PRH1: variants seen among roughly 807,000 people sequenced by gnomAD.
PRH1 encodes salivary acidic proline-rich phosphoprotein 1/2.
In PRH1, 7 loss-of-function variants were observed where a neutral mutation model predicts 7.9. The ratio of observed to expected loss-of-function variants is 0.89; its 90% CI spans 0.50 to 1.67. The LOEUF is 1.67. PRH1 is among the 40% of genes most tolerant of loss of function. The pLI, the probability that PRH1 is intolerant of heterozygous loss-of-function variation, is 0.00. For missense variants in PRH1, 109 were observed against 223.6 expected (o/e 0.49, Z 3.27); for synonymous variants, 45 against 80.8 (o/e 0.56, Z 2.38).
rs141374641 is a variant in PRH1, at chr12:11,112,039, G to A, written n.123+59383C>T. On this transcript the variant is annotated intron_variant and non_coding_transcript_variant, in intron 1 of 4. Coordinates refer to the PRH1 transcript ENST00000541977. ...ACTATAAACACCTCTATGCAAATAC[G>A]CTAGAAAATTTAGAAGAAATGGATA... is the stretch of plus-strand genomic sequence containing the variant. Among the ~76,000 whole-genome samples, 116 of 152,012 alleles carry A rather than the reference G, an allele frequency of 7.6e-4. 1 individual carries two copies. In the East Asian group the frequency reaches 0.02, roughly 27 times the overall value.
At chr12:10,900,812 C>T (rs1286261387) in intron 2 of PRH1, among the ~76,000 whole-genome samples, 1 of 151,998 alleles carries the variant, frequency 6.6e-6, no homozygotes, top group Non-Finnish European at 1.5e-5. Context: ...TGCAGAGATC[C>T]TAGAATAGGG....
At chr12:11,126,698 C>T (rs1351229705) in intron 1 of PRH1, among the ~76,000 whole-genome samples, 1 of 138,450 alleles carries the variant, frequency 7.2e-6, no homozygotes, top group African/African-American at 2.6e-5. Context: ...TCTAGGATTA[C>T]AATCCTAGAG....
chr12:11,133,590 G>A lies in PRH1; in HGVS notation n.40-12410C>T, dbSNP rs777088000. On this transcript the variant is annotated intron_variant and non_coding_transcript_variant, in intron 1 of 1. Coordinates refer to the PRH1 transcript ENST00000541175. ...GCTTTTATGTGGACCTTGGTGCTGG[G>A]ATCTTGAGATCCTTTGCCATGGAGC... The A allele has an allele frequency of 5.6e-6, 9 of 1,614,148 alleles. No individual in the cohort carries two copies. In the Admixed American group the frequency reaches 1.2e-4, roughly 21 times the overall value.
chr12:10,900,575 G>A (rs1949709187), intron 2 of PRH1, among the ~76,000 whole-genome samples: 1 of 152,182 alleles, frequency 6.6e-6, no homozygotes, highest in Non-Finnish European at 1.5e-5. Flanking sequence ...CAGGCCTGGG[G>A]CAGGAGGGGA....
intron 1 of PRH1, among the ~76,000 whole-genome samples, chr12:11,160,373 T>G (rs1305905575): frequency 2.0e-5 from 3 of 152,192 alleles, no homozygotes; most frequent in Admixed American, 6.5e-5. Flanking sequence ...TATACCAGAA[T>G]TAAAGACGAG....
chr12:11,030,100 T>C (rs374427910), intron 1 of PRH1, among the ~76,000 whole-genome samples: 2,315 of 152,358 alleles, frequency 0.015, 19 homozygotes, highest in South Asian at 0.031. Context: ...AATACATGAA[T>C]GAAATATACA....
chr12:10,973,774 C>T (rs1938949462), intron 1 of PRH1: 3 of 762,676 alleles, frequency 3.9e-6, no homozygotes. Flanking sequence ...CATCGGAGAG[C>T]TGTGCAAACA....
chr12:10,893,916 T>C (rs1026575526), intron 2 of PRH1, among the ~76,000 whole-genome samples: 1 of 152,196 alleles, frequency 6.6e-6, no homozygotes, highest in African/African-American at 2.4e-5. Flanking sequence ...TGTGTTCTTT[T>C]ATTTAACCTG....
chr12:11,116,802 T>C (rs564271853), downstream of PRH1, among the ~76,000 whole-genome samples: 52 of 152,072 alleles, frequency 3.4e-4, no homozygotes, highest in Admixed American at 3.3e-3. Context: ...ACATCATATA[T>C]ACAGAATGAA....
At chr12:10,942,128 G>C (rs750829835) in intron 2 of PRH1, among the ~76,000 whole-genome samples, 28 of 152,138 alleles carry the variant, frequency 1.8e-4, no homozygotes, top group Admixed American at 5.2e-4. Context: ...GAGGTGGCAG[G>C]GGGGTGAAAT....
At chr12:11,008,433 C>T (rs1220952409) in intron 1 of PRH1, among the ~76,000 whole-genome samples, 1 of 152,036 alleles carries the variant, frequency 6.6e-6, no homozygotes, top group Non-Finnish European at 1.5e-5. Context: ...AGACAAGGAA[C>T]ACTGCAAACA....
intron 1 of PRH1, among the ~76,000 whole-genome samples, chr12:11,086,439 G>A (rs796911654): frequency 0.45 from 54,627 of 121,622 alleles, 10,742 homozygotes; most frequent in Non-Finnish European, 0.55. Context: ...TAAAATAGAT[G>A]TTAAAATCAG....
chr12:11,110,135 GAACA>G (rs1208725474), intron 1 of PRH1, among the ~76,000 whole-genome samples: 1 of 152,010 alleles, frequency 6.6e-6, no homozygotes, highest in African/African-American at 2.4e-5. Flanking sequence ...GAATGAAAAG[GAACA>G]AACAAAGCCT....
intron 1 of PRH1, among the ~76,000 whole-genome samples, chr12:11,162,787 A>T (rs1947453626): frequency 6.6e-6 from 1 of 152,118 alleles, no homozygotes; most frequent in South Asian, 2.1e-4. Context: ...ATACAGCCTC[A>T]CCCCAAACAC....
chr12:10,984,366 T>C (rs958071160), intron 1 of PRH1, among the ~76,000 whole-genome samples: 2 of 152,188 alleles, frequency 1.3e-5, no homozygotes, highest in African/African-American at 2.4e-5. Flanking sequence ...GAAATACTTC[T>C]TCTTAGATAA....
intron 1 of PRH1, among the ~76,000 whole-genome samples, chr12:11,103,704 A>G (rs1945325102): frequency 6.6e-6 from 1 of 152,046 alleles, no homozygotes; most frequent in Non-Finnish European, 1.5e-5. Context: ...AAATAAATAA[A>G]TAAAATATAA....
At position 10,893,725 on chromosome 12, in the gene PRH1, T is replaced by C. The variant is rs1050982161; in HGVS notation, c.-58-9450A>G. Among the ~76,000 whole-genome samples the C allele has an allele frequency of 2.6e-5, 4 of 152,224 alleles. No individual in the cohort carries two copies. The South Asian group carries it at 8.3e-4, about 32-fold the overall frequency. ...TTTTGTTCTATCGATTACCATATAATTAACTTTTTAAAATACTTTCTGCAA... is the reference window on the plus strand; with the variant it reads ...TTTTGTTCTATCGATTACCATATAACTAACTTTTTAAAATACTTTCTGCAA... On this transcript the variant is annotated intron_variant, in intron 2 of 3. Transcript: ENST00000539853.
intron 1 of PRH1, among the ~76,000 whole-genome samples, chr12:11,012,060 T>C (rs912341225): frequency 1.3e-5 from 2 of 152,174 alleles, no homozygotes; most frequent in Non-Finnish European, 2.9e-5. Context: ...ATATGAATTG[T>C]TTAATTAAAA....
At chr12:11,106,904 C>T (rs1945439118) in intron 1 of PRH1, among the ~76,000 whole-genome samples, 1 of 152,160 alleles carries the variant, frequency 6.6e-6, no homozygotes, top group Non-Finnish European at 1.5e-5. Context: ...TGTATAACTG[C>T]TTTCAATTTT....
Sources: allele counts gnomAD v4.1 joint callset (sites outside exome capture counted in the v4.1 genomes callset), GRCh38; gene constraint gnomAD v4.1.1; transcripts MANE v1.5; gene names NCBI Gene and HGNC (gene_info 2026-07-23, HGNC 2026-07-21).